The following LINC00632 variants were observed in gnomAD, a reference collection of about 807,000 sequenced individuals.
The protein encoded by LINC00632 is ALDOA related specific transcript.
At chrX:140,736,282 A>C in intron 3 of LINC00632, among the ~76,000 whole-genome samples, 1 of 111,083 alleles carries the variant, frequency 9.0e-6, no homozygotes, top group East Asian at 2.8e-4. Context: ...GGTAGGCAGA[A>C]TTTCTCATGT....
chrX:140,750,091 C>T (rs1353827844), intron 3 of LINC00632, among the ~76,000 whole-genome samples: 1 of 110,705 alleles, frequency 9.0e-6, no homozygotes, highest in Non-Finnish European at 1.9e-5. Context: ...ACAATTCAGC[C>T]ATAAAAAAGA....
At chrX:140,725,261 C>T (rs981301167) in intron 2 of LINC00632, among the ~76,000 whole-genome samples, 1 of 105,091 alleles carries the variant, frequency 9.5e-6, no homozygotes, top group Non-Finnish European at 2.0e-5. Context: ...ATTCCGTACA[C>T]ACACACAGTC....
At chrX:140,752,778 G>A (rs1439576333) in intron 3 of LINC00632, among the ~76,000 whole-genome samples, 1 of 111,369 alleles carries the variant, frequency 9.0e-6, no homozygotes, top group Non-Finnish European at 1.9e-5. Flanking sequence ...CCTCATCTGT[G>A]TGTCCTTTTC....
At chrX:140,749,574 TAAG>T (rs765224960) in intron 3 of LINC00632, among the ~76,000 whole-genome samples, 1 of 111,208 alleles carries the variant, frequency 9.0e-6, no homozygotes, top group African/African-American at 3.3e-5. Context: ...CTACAAATTA[TAAG>T]AAGTAGGGGA....
exon 5 of LINC00632, among the ~76,000 whole-genome samples, chrX:140,787,113 T>A (rs1428180084): frequency 9.0e-6 from 1 of 111,449 alleles, no homozygotes; most frequent in Non-Finnish European, 1.9e-5. Context: ...ACTATTCATC[T>A]TTTTTCTTGT....
At chrX:140,728,918 A>G (rs984626881) in intron 2 of LINC00632, among the ~76,000 whole-genome samples, 22 of 110,957 alleles carry the variant, frequency 2.0e-4, no homozygotes, top group Admixed American at 1.7e-3. Context: ...GACCTACAAA[A>G]CATAAAAATG....
exon 5 of LINC00632, among the ~76,000 whole-genome samples, chrX:140,787,083 T>G (rs927059795): frequency 2.7e-5 from 3 of 111,565 alleles, no homozygotes; most frequent in Non-Finnish European, 5.7e-5. Flanking sequence ...AGGAAAAATA[T>G]TTAAACAATT....
intron 2 of LINC00632, among the ~76,000 whole-genome samples, chrX:140,722,376 A>C (rs949172654): frequency 1.2e-4 from 13 of 109,631 alleles, no homozygotes; most frequent in African/African-American, 4.0e-4. Context: ...AAAAAAAAAA[A>C]AAACAACCTC....
chrX:140,777,949 A>T (rs1468294431), exon 5 of LINC00632, among the ~76,000 whole-genome samples: 1 of 112,225 alleles, frequency 8.9e-6, no homozygotes, highest in Admixed American at 9.4e-5. Context: ...AAGTTTTACC[A>T]TGTTTTAGTC....
rs776722261 is a variant in LINC00632 at position 140,753,402 on chromosome X, A to G, written n.192-18676A>G. Reference sequence around the variant, plus strand: ...CGCCTTTATTTTTTTATACAGGGCCATGTTGGAGTGATAACCAATAGGGAA... The same window carrying G: ...CGCCTTTATTTTTTTATACAGGGCCGTGTTGGAGTGATAACCAATAGGGAA... On this transcript the variant is annotated intron_variant and non_coding_transcript_variant, in intron 3 of 4. Transcript: ENST00000648200. Among the ~76,000 whole-genome samples the G allele has an allele frequency of 1.9e-4, 21 of 111,640 alleles. No homozygotes were observed. In the South Asian group the frequency reaches 7.6e-3, roughly 41 times the overall value.
intron 2 of LINC00632, chrX:140,713,371 G>A: frequency 3.7e-6 from 1 of 269,390 alleles, no homozygotes; most frequent in South Asian, 3.5e-5. Context: ...TCAGACCTCG[G>A]CTGCTTGCTA....
At chrX:140,787,045 T>TCTTA (rs2148407101) in exon 5 of LINC00632, among the ~76,000 whole-genome samples, 1 of 111,893 alleles carries the variant, frequency 8.9e-6, no homozygotes, top group East Asian at 2.8e-4. Context: ...TCTTTTAAGT[T>TCTTA]CTTACAATGT....
At chrX:140,775,580 G>A (rs768481420) in exon 5 of LINC00632, among the ~76,000 whole-genome samples, 1 of 111,867 alleles carries the variant, frequency 8.9e-6, no homozygotes, top group South Asian at 3.8e-4. Flanking sequence ...TGCTGTTTGT[G>A]CCGGATTCAC....
At chrX:140,791,328 T>C (rs1602762662) in exon 5 of LINC00632, among the ~76,000 whole-genome samples, 1 of 112,257 alleles carries the variant, frequency 8.9e-6, no homozygotes, top group South Asian at 3.7e-4. Flanking sequence ...ATTCTTAGAT[T>C]CCTGGAATAA....
chrX:140,757,627 C>T (rs976200363), intron 3 of LINC00632, among the ~76,000 whole-genome samples: 3 of 111,179 alleles, frequency 2.7e-5, no homozygotes, highest in East Asian at 2.8e-4. Flanking sequence ...AGTGCAGAGG[C>T]GCAATCTCGG....
chrX:140,790,303 GT>G (rs200982287), exon 5 of LINC00632, among the ~76,000 whole-genome samples: 12,019 of 110,294 alleles, frequency 0.11, 637 homozygotes, highest in Non-Finnish European at 0.16. Context: ...GAGAGAGTCA[GT>G]TTTTTTCAAC....
chrX:140,780,681 G>T (rs1216533238), exon 5 of LINC00632, among the ~76,000 whole-genome samples: 3 of 111,841 alleles, frequency 2.7e-5, no homozygotes, highest in African/African-American at 9.8e-5. Context: ...GTAAGTCTAC[G>T]TAATCTTACT....
chrX:140,743,254 A>G (rs972619139), intron 3 of LINC00632, among the ~76,000 whole-genome samples: 1 of 91,399 alleles, frequency 1.1e-5, no homozygotes, highest in African/African-American at 3.7e-5. Context: ...AAAAAAAAAA[A>G]AAAAAAGAAA....
chrX:140,718,793 A>G (rs1359614052), intron 2 of LINC00632, among the ~76,000 whole-genome samples: 12 of 112,023 alleles, frequency 1.1e-4, no homozygotes, highest in Non-Finnish European at 1.7e-4. Flanking sequence ...CACAACAGCT[A>G]GACACGCTAC....
Sources: gnomAD v4.1 joint callset for allele counts (sites outside exome capture counted in the v4.1 genomes callset) on GRCh38, gnomAD v4.1.1 for gene constraint, MANE v1.5 for transcripts, NCBI Gene and HGNC (gene_info 2026-07-23, HGNC 2026-07-21) for gene names.